POLGARF: variants seen among roughly 807,000 people sequenced by gnomAD.
POLGARF encodes the protein POLG alternative reading frame.
At chr15:89,331,793 A>G in the POLGARF span, among the ~76,000 whole-genome samples, 1 of 150,828 alleles carries the variant, frequency 6.6e-6, no homozygotes, top group South Asian at 2.1e-4. Context: ...CACCAGTCAG[A>G]CTCCCAGGAG....
the POLGARF span, chr15:89,330,211 G>T: frequency 1.2e-6 from 2 of 1,613,508 alleles, no homozygotes. Context: ...GATGAGGTCA[G>T]CCGGCGACAG....
the POLGARF span, among the ~76,000 whole-genome samples, chr15:89,332,033 T>C: frequency 1.3e-5 from 2 of 152,240 alleles, no homozygotes; most frequent in African/African-American, 4.8e-5. Flanking sequence ...AAATCTTTCT[T>C]GTCACTGGTT....
At chr15:89,332,487 T>C in the POLGARF span, 1 of 152,082 alleles carries the variant, frequency 6.6e-6, no homozygotes, top group Non-Finnish European at 1.5e-5. Context: ...TTGGATATAC[T>C]TGTTTGGGAC....
At chr15:89,333,637 GC>G in the POLGARF span, 1 of 1,590,624 alleles carries the variant, frequency 6.3e-7, no homozygotes. Context: ...TGCCGCCGCC[GC>G]TGCCCGTCGC....
the POLGARF span, among the ~76,000 whole-genome samples, chr15:89,331,116 G>A: frequency 1.4e-3 from 204 of 149,064 alleles, 7 homozygotes; most frequent in South Asian, 0.039. Context: ...ACACAGCTGC[G>A]AAGGAGCTCC....
chr15:89,331,541 T>C, the POLGARF span, among the ~76,000 whole-genome samples: 1 of 152,222 alleles, frequency 6.6e-6, no homozygotes, highest in Non-Finnish European at 1.5e-5. Context: ...CTAGTTTTAC[T>C]GTGAATCTTA....
the POLGARF span, chr15:89,330,293 G>T: frequency 1.9e-6 from 3 of 1,599,910 alleles, no homozygotes; most frequent in African/African-American, 2.7e-5. Context: ...GAGGTGAGAG[G>T]CAGGCAGGTT....
the POLGARF span, chr15:89,333,161 G>A: frequency 6.4e-7 from 1 of 1,550,558 alleles, no homozygotes; most frequent in Non-Finnish European, 8.7e-7. Flanking sequence ...AGACCTCCAC[G>A]TCGAACACCA....
At chr15:89,333,734 C>T in the POLGARF span, 1 of 1,535,630 alleles carries the variant, frequency 6.5e-7, no homozygotes, top group Non-Finnish European at 8.7e-7. Context: ...CGGCCACCTT[C>T]CTCCAGAGCA....
chr15:89,333,341 G>A, the POLGARF span: 4 of 1,564,978 alleles, frequency 2.6e-6, no homozygotes, highest in Non-Finnish European at 3.5e-6. Context: ...GGAGGCGGAA[G>A]TGCTGGTCCA....
chr15:89,330,306 C>T, the POLGARF span: 4 of 1,566,530 alleles, frequency 2.6e-6, no homozygotes, highest in Admixed American at 5.1e-5. Context: ...GGCAGGTTCA[C>T]CATGGAGACA....
the POLGARF span, among the ~76,000 whole-genome samples, chr15:89,331,978 G>A: frequency 6.6e-6 from 1 of 152,228 alleles, no homozygotes; most frequent in Non-Finnish European, 1.5e-5. Flanking sequence ...AAAGAAAAGG[G>A]GACTTGAGGT....
At chr15:89,330,767 T>C in the POLGARF span, among the ~76,000 whole-genome samples, 744 of 148,564 alleles carry the variant, frequency 5.0e-3, 6 homozygotes, top group African/African-American at 0.016. Flanking sequence ...GCTGCACACA[T>C]GTACAGGATG....
At chr15:89,333,588 GGCTGCTGTTGCTGCTGCT>G in the POLGARF span, 1 of 1,604,890 alleles carries the variant, frequency 6.2e-7, no homozygotes, top group Non-Finnish European at 8.5e-7. Flanking sequence ...CGGCTGCTGA[GGCTGCTGTTGCTGCTGCT>G]GCTGCTGCTG....
the POLGARF span, among the ~76,000 whole-genome samples, chr15:89,330,904 T>C: frequency 6.6e-6 from 1 of 151,364 alleles, no homozygotes; most frequent in African/African-American, 2.4e-5. Flanking sequence ...TGTGACAGGG[T>C]TGGGGTGGGA....
the POLGARF span, chr15:89,333,576 T>TG: frequency 6.2e-7 from 1 of 1,609,940 alleles, no homozygotes; most frequent in Non-Finnish European, 8.5e-7. Context: ...GGATAGCACT[T>TG]GCGGCTGCTG....
chr15:89,332,685 C>T, the POLGARF span, among the ~76,000 whole-genome samples: 1 of 151,904 alleles, frequency 6.6e-6, no homozygotes, highest in South Asian at 2.1e-4. Context: ...TGGGACAGTC[C>T]CACAAAAGGG....
the POLGARF span, chr15:89,330,328 C>G: frequency 7.1e-7 from 1 of 1,405,042 alleles, no homozygotes; most frequent in Non-Finnish European, 9.9e-7. Context: ...TAAACTTCCA[C>G]TCCACAACAA....
the POLGARF span, chr15:89,330,210 A>T: frequency 6.2e-7 from 1 of 1,613,472 alleles, no homozygotes; most frequent in Admixed American, 1.7e-5. Context: ...GGATGAGGTC[A>T]GCCGGCGACA....
Sources: allele counts gnomAD v4.1 joint callset (sites outside exome capture counted in the v4.1 genomes callset), GRCh38; gene constraint gnomAD v4.1.1; transcripts MANE v1.5; gene names NCBI Gene and HGNC (gene_info 2026-07-23, HGNC 2026-07-21).